The following ARHGEF10 variants were observed in gnomAD, a reference collection of about 807,000 sequenced individuals.
ARHGEF10 encodes the protein Rho guanine nucleotide exchange factor (GEF) 10.
In ARHGEF10, 140 loss-of-function variants were observed where a neutral mutation model predicts 147.4. The ratio of observed to expected loss-of-function variants is 0.95; its 90% CI spans 0.83 to 1.09. ARHGEF10 has a LOEUF of 1.09. ARHGEF10 is among the 50% of genes least tolerant of loss of function. The pLI is 0.00. For missense variants in ARHGEF10, 2,222 were observed against 1,752.7 expected (o/e 1.27, Z -4.78); for synonymous variants, 902 against 695.8 (o/e 1.30, Z -4.67).
intron 15 of ARHGEF10, 111 bp from the exon 16 acceptor site, chr8:1,903,170 G>C: frequency 7.4e-7 from 1 of 1,350,660 alleles, no homozygotes; most frequent in South Asian, 1.2e-5. Flanking sequence ...TTTTCCCCAG[G>C]ATGGCAGATG....
intron 15 of ARHGEF10, among the ~76,000 whole-genome samples, chr8:1,899,557 C>G (rs1810292813): frequency 6.6e-6 from 1 of 152,136 alleles, no homozygotes; most frequent in African/African-American, 2.4e-5. Context: ...ATGTAGTCAT[C>G]AAAGTATGAA....
chr8:1,893,425 A>C (rs1363355480), intron 11 of ARHGEF10, 144 bp from the exon 12 acceptor site: 3 of 657,498 alleles, frequency 4.6e-6, no homozygotes, highest in Non-Finnish European at 8.2e-6. Context: ...TTGTACCTGT[A>C]ATGTTATTTA....
chr8:1,864,822 G>A (rs951974045), intron 5 of ARHGEF10, among the ~76,000 whole-genome samples: 4 of 152,218 alleles, frequency 2.6e-5, no homozygotes, highest in Non-Finnish European at 5.9e-5. Flanking sequence ...AGCCACTAGA[G>A]CAGTGCTCTT....
intron 1 of ARHGEF10, among the ~76,000 whole-genome samples, chr8:1,832,815 GGCAGAGAGAGAGGC>G (rs1803264475): frequency 4.6e-5 from 4 of 86,648 alleles, no homozygotes; most frequent in Admixed American, 1.3e-4. Flanking sequence ...CAGAGACAGA[GGCAGAGAGAGAGGC>G]AGAGGCAGAG....
chr8:1,885,497 A>G (rs531159377), intron 10 of ARHGEF10, 104 bp from the exon 11 acceptor site: 8 of 783,870 alleles, frequency 1.0e-5, no homozygotes, highest in Non-Finnish European at 1.7e-5. Flanking sequence ...TGGAAAATTG[A>G]AAGGTCTACA....
At chr8:1,952,612 C>T (rs1166435796) in intron 27 of ARHGEF10, 93 bp from the exon 28 acceptor site, 25 of 1,542,698 alleles carry the variant, frequency 1.6e-5, no homozygotes, top group Middle Eastern at 2.3e-4. Flanking sequence ...GGTGGTGGCA[C>T]GACAGGCCTG....
chr8:1,947,308 C>T (rs940927754), intron 27 of ARHGEF10, among the ~76,000 whole-genome samples: 5 of 152,194 alleles, frequency 3.3e-5, no homozygotes, highest in Non-Finnish European at 7.3e-5. Context: ...CCCCAGCTGC[C>T]CTGCAGCGCA....
chr8:1,932,310 CAT>C (rs563707534), intron 25 of ARHGEF10, among the ~76,000 whole-genome samples: 115 of 152,288 alleles, frequency 7.6e-4, no homozygotes, highest in Admixed American at 1.7e-3. Flanking sequence ...CATGTATGCA[CAT>C]GTGTGTATGC....
intron 19 of ARHGEF10, 163 bp from the exon 20 acceptor site, chr8:1,923,305 C>T: frequency 1.8e-6 from 2 of 1,107,828 alleles, no homozygotes; most frequent in South Asian, 3.0e-5. Context: ...AGAAATGTCT[C>T]AGCCCCCCAC....
intron 26 of ARHGEF10, among the ~76,000 whole-genome samples, chr8:1,941,776 C>A (rs1814112753): frequency 6.6e-6 from 1 of 152,198 alleles, no homozygotes; most frequent in Non-Finnish European, 1.5e-5. Flanking sequence ...ACATCAGTGA[C>A]ATAGACCGGA....
chr8:1,877,548 G>T (rs1807812929), intron 8 of ARHGEF10, among the ~76,000 whole-genome samples: 1 of 152,136 alleles, frequency 6.6e-6, no homozygotes, highest in Non-Finnish European at 1.5e-5. Flanking sequence ...TTCTTACAGG[G>T]AATTTTTATT....
At chr8:1,912,993 G>A (rs910084995) in intron 18 of ARHGEF10, among the ~76,000 whole-genome samples, 3 of 152,178 alleles carry the variant, frequency 2.0e-5, no homozygotes, top group South Asian at 2.1e-4. Context: ...CTGGCAGGTG[G>A]ATTTATGAGA....
Position 1,827,777 on chromosome 8 carries a change from T to A in ARHGEF10, c.-48+3664T>A, listed in dbSNP as rs563953182. ...ATGTGAAAAAGGTGTAAAATATTTT[T>A]AAAAATGTTTGGGTTCAAAGTTTTT... On this transcript the variant is annotated intron_variant, in intron 1 of 28. Coordinates refer to ENST00000349830, the MANE Select transcript of ARHGEF10 (RefSeq NM_014629.4). 2.2e-3 allele frequency among the ~76,000 whole-genome samples: 331 copies of A among 152,360 alleles called. 2 individuals are homozygous for A. Among genetic ancestry groups the A allele is most frequent in the African/African-American group, 7.5e-3 (310 of 41,578 alleles).
At chr8:1,950,730 G>GTTTTTTTTTTTTTTTTTTTTTGT (rs1814968539) in intron 27 of ARHGEF10, among the ~76,000 whole-genome samples, 1 of 108,458 alleles carries the variant, frequency 9.2e-6, no homozygotes, top group African/African-American at 3.6e-5. Flanking sequence ...TGTTTTTTAG[G>GTTTTTTTTTTTTTTTTTTTTTGT]TTTTTTTTTT....
In ARHGEF10 at chr8:1,933,688, C is replaced by T. The variant is rs151235691; in HGVS notation, c.3080-112C>T. 3.7e-3 allele frequency: 5,069 copies of T among 1,354,726 alleles called. 14 individuals are homozygous for T. The highest frequency in any genetic ancestry group is 4.6e-3 in the Non-Finnish European group (4,382 of 950,910). 83.9% of individuals were successfully genotyped at this position (1,354,726 alleles called of 1,614,324 possible). On this transcript the variant is annotated intron_variant, in intron 25 of 28. Coordinates refer to ENST00000349830, the MANE Select transcript of ARHGEF10 (RefSeq NM_014629.4). ...AGCCAGGATCAGGCACAAGCATTAACATTACAGGTGATCCTTCGGGTGTCA... is the reference window on the plus strand; with the variant it reads ...AGCCAGGATCAGGCACAAGCATTAATATTACAGGTGATCCTTCGGGTGTCA...
chr8:1,878,630 G>T (rs1269544897), intron 8 of ARHGEF10, among the ~76,000 whole-genome samples: 2 of 152,130 alleles, frequency 1.3e-5, no homozygotes, highest in Admixed American at 6.5e-5. Context: ...TCGGAGCGTG[G>T]GTTAAATGCT....
chr8:1,900,259 A>G (rs1810344895), intron 15 of ARHGEF10, among the ~76,000 whole-genome samples: 1 of 152,148 alleles, frequency 6.6e-6, no homozygotes, highest in African/African-American at 2.4e-5. Flanking sequence ...TGGAAACGGA[A>G]CAGGACAGAG....
intron 7 of ARHGEF10, chr8:1,871,082 C>A (rs1807075739): frequency 7.6e-6 from 1 of 132,062 alleles, no homozygotes; most frequent in African/African-American, 2.8e-5. Flanking sequence ...CACTGCTCTC[C>A]AGCCTGGGAA....
At chr8:1,849,986 A>G (rs1324591214) in intron 2 of ARHGEF10, among the ~76,000 whole-genome samples, 2 of 101,366 alleles carry the variant, frequency 2.0e-5, no homozygotes, top group Non-Finnish European at 2.1e-5. Context: ...GGCTGCATGG[A>G]CACAGAGGGC....
Sources: allele counts gnomAD v4.1 joint callset (sites outside exome capture counted in the v4.1 genomes callset), GRCh38; gene constraint gnomAD v4.1.1; transcripts MANE v1.5; gene names NCBI Gene and HGNC (gene_info 2026-07-23, HGNC 2026-07-21).